Variants in EZH2 observed in about 807,000 individuals in gnomAD.
EZH2 encodes enhancer of zeste 2 polycomb repressive complex 2 subunit, also known as histone-lysine N-methyltransferase EZH2.
EZH2 carries 18 observed loss-of-function variants against 98.4 expected under a neutral mutation model. The observed-to-expected ratio is 0.18, with a 90% CI of 0.13 to 0.27. The LOEUF is 0.27. Among genes scored for constraint, EZH2 ranks in the 10% least tolerant of loss-of-function variants. The probability of loss-of-function intolerance (pLI) is 1.00; values close to 1 mark genes in which losing one functional copy is unlikely to be tolerated. For missense variants in EZH2, 470 were observed against 935.1 expected (o/e 0.50, Z 6.49); for synonymous variants, 338 against 312.3 (o/e 1.08, Z -0.87).
intron 4 of EZH2, among the ~76,000 whole-genome samples, chr7:148,830,726 G>A (rs1374696602): frequency 6.6e-6 from 1 of 152,110 alleles, no homozygotes; most frequent in African/African-American, 2.4e-5. Context: ...CAACAGAGAA[G>A]AAAGAAGAAT....
At chr7:148,850,724 G>T (rs1259586745) in intron 1 of EZH2, among the ~76,000 whole-genome samples, 1 of 152,072 alleles carries the variant, frequency 6.6e-6, no homozygotes, top group Non-Finnish European at 1.5e-5. Flanking sequence ...CCTGATAATT[G>T]TACAGTAGTC....
At chr7:148,819,359 C>G (rs1285170057) in intron 9 of EZH2, among the ~76,000 whole-genome samples, 1 of 152,164 alleles carries the variant, frequency 6.6e-6, no homozygotes, top group Non-Finnish European at 1.5e-5. Context: ...TCCTAAAGAC[C>G]TTGAAATGTT....
At chr7:148,828,218 C>G (rs570355978) in intron 6 of EZH2, among the ~76,000 whole-genome samples, 1 of 152,182 alleles carries the variant, frequency 6.6e-6, no homozygotes, top group South Asian at 2.1e-4. Flanking sequence ...AACTTGTACA[C>G]GGTGAATATC....
Position 148,849,478 on chromosome 7 carries a change from T to C in EZH2, c.-7-2173A>G, listed in dbSNP as rs543725109. On this transcript the variant is annotated intron_variant, in intron 1 of 19. Transcript: ENST00000320356. Reference sequence around the variant, plus strand: ...CGAAGAGATAAGAATGGGCAGGAATTTGAGTGTATTTGACATAAAGAAGGC... The same window carrying C: ...CGAAGAGATAAGAATGGGCAGGAATCTGAGTGTATTTGACATAAAGAAGGC... 5.3e-5 allele frequency among the ~76,000 whole-genome samples: 8 copies of C among 152,192 alleles called. No individual in the cohort carries two copies. In the East Asian group the frequency reaches 1.5e-3, roughly 29 times the overall value.
At chr7:148,832,813 CAT>C in intron 3 of EZH2, 63 bp from the exon 4 acceptor site, 1 of 1,069,146 alleles carries the variant, frequency 9.4e-7, no homozygotes, top group South Asian at 1.6e-5. Flanking sequence ...CTGTAGCCAT[CAT>C]ATTGTAAAGA....
chr7:148,821,231 A>T (rs2129473052), intron 8 of EZH2, among the ~76,000 whole-genome samples: 1 of 152,342 alleles, frequency 6.6e-6, no homozygotes, highest in East Asian at 1.9e-4. Context: ...GTACTGAGAA[A>T]CTGATAAAAC....
chr7:148,884,262 TGTCGG>T lies in EZH2; in HGVS notation c.-111_-107del, dbSNP rs1403900418. The T allele has an allele frequency of 5.6e-6, 1 of 179,746 alleles. No individual in the cohort carries two copies. Among genetic ancestry groups the T allele is most frequent in the Non-Finnish European group, 1.2e-5 (1 of 84,500 alleles). The allele number at this position is 179,746 out of a possible 1,614,324, so 11.1% of individuals were successfully genotyped here. ...CCACTGCCTTCTGAGTCCCACCGGG[TGTCGG>T]ACGCGACCGGACCGAGCGCCAAACG... On this transcript the variant is annotated 5_prime_UTR_variant, in exon 1 of 20. Coordinates refer to ENST00000320356, the MANE Select transcript of EZH2 (RefSeq NM_004456.5).
chr7:148,810,067 A>T, intron 17 of EZH2: 1 of 350,076 alleles, frequency 2.9e-6, no homozygotes, highest in South Asian at 6.7e-5. Flanking sequence ...CAAGAGCACA[A>T]CGTCCCCTTC....
intron 1 of EZH2, among the ~76,000 whole-genome samples, chr7:148,881,679 GGATCAGCATTTTGGGAGGC>G (rs1419758062): frequency 3.3e-5 from 5 of 152,124 alleles, no homozygotes; most frequent in Non-Finnish European, 7.4e-5. Context: ...GCTCACGTCT[GGATCAGCATTTTGGGAGGC>G]GGAGGCGGGT....
At position 148,807,561 on chromosome 7, in the gene EZH2, G is replaced by GTTCT; in HGVS notation, c.*81_*84dup. 1.8e-6 allele frequency: 2 copies of GTTCT among 1,106,938 alleles called. No homozygotes were observed. Among genetic ancestry groups the GTTCT allele is most frequent in the Non-Finnish European group, 2.7e-6 (2 of 743,562 alleles). 68.6% of individuals were successfully genotyped at this position (1,106,938 alleles called of 1,614,324 possible). A position where few individuals can be genotyped will look rare whatever the true frequency, so the allele number is the denominator to read the frequency against. On this transcript the variant is annotated 3_prime_UTR_variant, in exon 20 of 20. Coordinates refer to ENST00000320356, the MANE Select transcript of EZH2 (RefSeq NM_004456.5). ...GCAAATTCAGAATTTCAAACTGCAT[G>GTTCT]TTCTTTTTCTAAATTGCCCACAGTA... is the stretch of plus-strand genomic sequence containing the variant.
In EZH2 at chr7:148,858,498, A is replaced by G. The variant is rs551247704; in HGVS notation, c.-7-11193T>C. Among the ~76,000 whole-genome samples the G allele has an allele frequency of 2.6e-5, 4 of 152,084 alleles. No homozygotes were observed. In the East Asian group the frequency reaches 7.7e-4, roughly 29 times the overall value. On this transcript the variant is annotated intron_variant, in intron 1 of 19. Coordinates refer to ENST00000320356, the MANE Select transcript of EZH2 (RefSeq NM_004456.5). ...ATCTTAACTTCAAAGGAATTTGAGGAAAAAAACTCCCAAATATAATTCTAC... is the reference window on the plus strand; with the variant it reads ...ATCTTAACTTCAAAGGAATTTGAGGGAAAAAACTCCCAAATATAATTCTAC...
intron 8 of EZH2, among the ~76,000 whole-genome samples, chr7:148,825,783 C>G (rs945715360): frequency 7.9e-5 from 12 of 152,106 alleles, no homozygotes; most frequent in African/African-American, 2.4e-4. Flanking sequence ...GCAAACTACT[C>G]TAGGAAAATT....
rs181119574 is a variant in EZH2 at position 148,866,994 on chromosome 7, G to A, written c.-8+17170C>T. ...CTCCCAAAGTGCTGGGATTACAGAC[G>A]TGAGCCACTGTGCCTGGCCAACTTC... On this transcript the variant is annotated intron_variant, in intron 1 of 19. Transcript: ENST00000320356. Among the ~76,000 whole-genome samples, 1,361 of 149,560 alleles carry A rather than the reference G, an allele frequency of 9.1e-3. 32 individuals are homozygous for A. Among genetic ancestry groups the A allele is most frequent in the African/African-American group, 0.032 (1,300 of 41,042 alleles).
intron 1 of EZH2, among the ~76,000 whole-genome samples, chr7:148,866,535 T>C (rs1257549294): frequency 1.9e-5 from 2 of 102,676 alleles, no homozygotes; most frequent in Non-Finnish European, 4.0e-5. Context: ...TACATATATA[T>C]ACGTATATAC....
chr7:148,831,394 G>A (rs1300286367), intron 4 of EZH2, among the ~76,000 whole-genome samples: 1 of 152,096 alleles, frequency 6.6e-6, no homozygotes, highest in Admixed American at 6.6e-5. Context: ...CCAAAATCAA[G>A]TGACACTTAG....
At chr7:148,871,537 C>G (rs902704391) in intron 1 of EZH2, among the ~76,000 whole-genome samples, 6 of 151,438 alleles carry the variant, frequency 4.0e-5, no homozygotes, top group Non-Finnish European at 7.4e-5. Context: ...AGCCCACCCA[C>G]CCTATACACA....
chr7:148,863,945 G>A (rs1230167405), intron 1 of EZH2, among the ~76,000 whole-genome samples: 1 of 152,220 alleles, frequency 6.6e-6, no homozygotes, highest in Admixed American at 6.5e-5. Context: ...AAGTACAGAT[G>A]AGAAAGCATA....
At chr7:148,813,044 A>AC (rs1050525054) in intron 15 of EZH2, among the ~76,000 whole-genome samples, 68 of 138,328 alleles carry the variant, frequency 4.9e-4, no homozygotes, top group African/African-American at 1.9e-3. Flanking sequence ...TCTACTCTAC[A>AC]CCCCACATAC....
intron 1 of EZH2, among the ~76,000 whole-genome samples, chr7:148,881,912 C>T (rs1245938994): frequency 6.8e-6 from 1 of 147,544 alleles, no homozygotes; most frequent in Non-Finnish European, 1.5e-5. Context: ...CCAGCCTGGA[C>T]GACAGAGCAA....
Sources: gnomAD v4.1 joint callset for allele counts (sites outside exome capture counted in the v4.1 genomes callset) on GRCh38, gnomAD v4.1.1 for gene constraint, MANE v1.5 for transcripts, NCBI Gene and HGNC (gene_info 2026-07-23, HGNC 2026-07-21) for gene names.